Variants in RPS6KA2 observed in about 807,000 individuals in gnomAD.
The protein encoded by RPS6KA2 is ribosomal protein S6 kinase alpha-2.
Under a neutral mutation model 91.8 loss-of-function variants are expected in RPS6KA2, and 42 were observed. The observed-to-expected ratio is 0.46, with a 90% CI of 0.36 to 0.59. RPS6KA2 has a LOEUF of 0.59. Ranked by LOEUF, RPS6KA2 falls within the 20% of genes least tolerant of loss-of-function variation. The pLI, the probability that RPS6KA2 is intolerant of heterozygous loss-of-function variation, is 0.00. For missense variants in RPS6KA2, 798 were observed against 978.5 expected, an observed-to-expected ratio of 0.82 and a Z score of 2.46; for synonymous variants, 414 against 393.6, an observed-to-expected ratio of 1.05 and a Z score of -0.61.
chr6:166,764,704 G>A (rs1481466185), intron 2 of RPS6KA2, among the ~76,000 whole-genome samples: 1 of 152,194 alleles, frequency 6.6e-6, no homozygotes, highest in Non-Finnish European at 1.5e-5. Context: ...CAAGGAGCCT[G>A]CAGCCATGAG....
intron 2 of RPS6KA2, among the ~76,000 whole-genome samples, chr6:166,816,637 A>G (rs1399982059): frequency 1.3e-5 from 2 of 152,246 alleles, no homozygotes; most frequent in Non-Finnish European, 2.9e-5. Flanking sequence ...GATCTTTGAA[A>G]AAACATATAA....
chr6:166,835,950 C>G (rs10946192), intron 2 of RPS6KA2, among the ~76,000 whole-genome samples: 19,369 of 152,116 alleles, frequency 0.13, 1,437 homozygotes, highest in East Asian at 0.28. Context: ...CGAGTTTTCT[C>G]AAGTGATTTT....
In RPS6KA2 at chr6:166,635,864, G is replaced by A. The variant is rs1322465649; in HGVS notation, c.124-97080C>T. On this transcript the variant is annotated intron_variant, in intron 2 of 21. Coordinates refer to the RPS6KA2 transcript ENST00000503859. The surrounding 1 kb of genome is among the most constrained non-coding windows in gnomAD (Gnocchi z 4.8). The stretch of plus-strand genomic sequence containing the variant: ...GTGTGTCCGGTAAAGGGTGTCTTAA[G>A]TCTGACCCTGCTCGTCTTCTGCGTC... 2.0e-5 allele frequency among the ~76,000 whole-genome samples: 3 copies of A among 151,994 alleles called. No homozygotes were observed. Among genetic ancestry groups the A allele is most frequent in the Non-Finnish European group, 4.4e-5 (3 of 67,980 alleles).
intron 2 of RPS6KA2, among the ~76,000 whole-genome samples, chr6:166,773,869 C>T (rs936365925): frequency 1.3e-5 from 2 of 152,216 alleles, no homozygotes; most frequent in African/African-American, 4.8e-5. Flanking sequence ...AAATGATCGT[C>T]CTCCAGGGGT....
chr6:166,419,935 A>G lies in RPS6KA2; in HGVS notation c.1767T>C (p.Asp589=), dbSNP rs1322826334. 6.2e-7 allele frequency: 1 copy of G among 1,613,924 alleles called. No homozygotes were observed. The highest frequency in any genetic ancestry group is 1.1e-5 in the South Asian group (1 of 91,082). ...CCAAACTCCAGATGTCACACGCCGC[A>G]TCATAGCCTTGACGCTTCAGGACCT... ...APEVLKRQGY[D]AACDIWSLGI... is the part of the protein sequence containing the mutation. Residue 589 remains aspartate, a synonymous_variant, in exon 18 of 21, where the codon GAT becomes GAC. Coordinates refer to ENST00000265678, the MANE Select transcript of RPS6KA2 (RefSeq NM_021135.6). This position sits in a 1 kb window ranked among gnomAD's most constrained non-coding sequence, Gnocchi z 5.6.
chr6:166,795,048 T>C (rs1779189514), intron 2 of RPS6KA2, among the ~76,000 whole-genome samples: 1 of 151,566 alleles, frequency 6.6e-6, no homozygotes, highest in Non-Finnish European at 1.5e-5. Flanking sequence ...AAAATAAAAA[T>C]TCATCCATTC....
intron 2 of RPS6KA2, among the ~76,000 whole-genome samples, chr6:166,823,648 G>C (rs946061610): frequency 1.3e-5 from 2 of 152,140 alleles, no homozygotes; most frequent in East Asian, 3.9e-4. Flanking sequence ...GAGCAAGAAA[G>C]TTCCTAGTGT....
chr6:166,617,415 A>G (rs569187656), intron 1 of RPS6KA2, among the ~76,000 whole-genome samples: 1 of 152,326 alleles, frequency 6.6e-6, no homozygotes, highest in South Asian at 2.1e-4. Flanking sequence ...ATGTTATTGT[A>G]AGATAACACT....
Position 166,639,676 on chromosome 6 carries a change from G to C in RPS6KA2, c.124-100892C>G. Among the ~76,000 whole-genome samples the C allele has an allele frequency of 6.6e-6, 1 of 152,178 alleles. No individual in the cohort carries two copies. The highest frequency in any genetic ancestry group is 1.5e-5 in the Non-Finnish European group (1 of 67,992). ...TAAGAAGATGAACTGTGGTGTCTCCGTGACATCATTCACGCAGTGGCCACG... is the reference window on the plus strand; with the variant it reads ...TAAGAAGATGAACTGTGGTGTCTCCCTGACATCATTCACGCAGTGGCCACG... On this transcript the variant is annotated intron_variant, in intron 2 of 21. Transcript: ENST00000503859. The surrounding 1 kb of genome is among the most constrained non-coding windows in gnomAD (Gnocchi z 4.2).
At chr6:166,686,311 T>G (rs1391073287) in intron 2 of RPS6KA2, among the ~76,000 whole-genome samples, 1 of 152,178 alleles carries the variant, frequency 6.6e-6, no homozygotes, top group Non-Finnish European at 1.5e-5. Flanking sequence ...CCTCTCCTAC[T>G]GTGGGACCCT....
intron 10 of RPS6KA2, among the ~76,000 whole-genome samples, chr6:166,475,546 C>T (rs1303639853): frequency 6.6e-6 from 1 of 152,202 alleles, no homozygotes; most frequent in Non-Finnish European, 1.5e-5. Context: ...ACCCAGGCGT[C>T]CTCACAGAGC....
At chr6:166,768,410 G>A (rs1267893676) in intron 2 of RPS6KA2, among the ~76,000 whole-genome samples, 11 of 152,170 alleles carry the variant, frequency 7.2e-5, no homozygotes, top group Admixed American at 6.5e-4. Flanking sequence ...CATGAAAGAC[G>A]CTGACCGCTG....
intron 1 of RPS6KA2, among the ~76,000 whole-genome samples, chr6:166,578,588 A>G (rs1276989587): frequency 6.6e-6 from 1 of 152,224 alleles, no homozygotes; most frequent in Non-Finnish European, 1.5e-5. Context: ...TGACAATAAC[A>G]CAGCTCTTTC....
At chr6:166,444,531 T>C (rs1259103592) in intron 14 of RPS6KA2, among the ~76,000 whole-genome samples, 2 of 152,364 alleles carry the variant, frequency 1.3e-5, no homozygotes, top group African/African-American at 2.4e-5. Flanking sequence ...GAGGAAGCGC[T>C]GAGGGAACAT....
chr6:166,761,870 TG>T, intron 2 of RPS6KA2, among the ~76,000 whole-genome samples: 1 of 152,260 alleles, frequency 6.6e-6, no homozygotes, highest in Admixed American at 6.5e-5. Flanking sequence ...GAGGCAGCGT[TG>T]AAGGCGCAAG....
intron 7 of RPS6KA2, among the ~76,000 whole-genome samples, chr6:166,499,657 T>C (rs1324419723): frequency 6.6e-6 from 1 of 152,260 alleles, no homozygotes; most frequent in African/African-American, 2.4e-5. Context: ...CCTTCTGCCA[T>C]GATTGTGAGG....
At chr6:166,775,400 C>T (rs1034600912) in intron 2 of RPS6KA2, among the ~76,000 whole-genome samples, 6 of 152,106 alleles carry the variant, frequency 3.9e-5, no homozygotes, top group Admixed American at 1.3e-4. Context: ...CAAGTGAGAA[C>T]ACTCCGAGGC....
Position 166,419,197 on chromosome 6 carries a change from G to C in RPS6KA2, c.1820+685C>G, listed in dbSNP as rs1301031742. ...ACAGCAAACAGGATTCGATGGTCTA[G>C]GGTTCTTTTCTTTTTGCCTCCATTC... On this transcript the variant is annotated intron_variant, in intron 18 of 20. Transcript: ENST00000265678. This position sits in a 1 kb window ranked among gnomAD's most constrained non-coding sequence, Gnocchi z 5.6. 6.6e-6 allele frequency among the ~76,000 whole-genome samples: 1 copy of C among 152,240 alleles called. No individual in the cohort carries two copies. The highest frequency in any genetic ancestry group is 2.4e-5 in the African/African-American group (1 of 41,456).
intron 2 of RPS6KA2, among the ~76,000 whole-genome samples, chr6:166,829,154 T>C (rs2128625719): frequency 6.6e-6 from 1 of 152,220 alleles, no homozygotes; most frequent in South Asian, 2.1e-4. Flanking sequence ...TTCACTCCCA[T>C]TGGTATAGCT....
Sources: allele counts gnomAD v4.1 joint callset (sites outside exome capture counted in the v4.1 genomes callset), GRCh38; gene constraint gnomAD v4.1.1; non-coding constraint Gnocchi (gnomAD v3.1); transcripts MANE v1.5; gene names NCBI Gene and HGNC (gene_info 2026-07-23, HGNC 2026-07-21).